ENO4: variants seen among roughly 807,000 people sequenced by gnomAD.
The protein encoded by ENO4 is enolase 4, also known as 2-phospho-D-glycerate hydro-lyase.
ENO4 carries 53 observed loss-of-function variants against 63.2 expected under a neutral mutation model. That is an observed-to-expected ratio of 0.84 (90% CI 0.67 to 1.05). The LOEUF (loss-of-function observed/expected upper bound fraction) is 1.05. ENO4 is among the 50% of genes least tolerant of loss of function. ENO4 has a pLI of 0.00. For missense variants in ENO4, 719 were observed against 772.0 expected (o/e 0.93, Z 0.81); for synonymous variants, 266 against 283.8 (o/e 0.94, Z 0.63).
intron 10 of ENO4, among the ~76,000 whole-genome samples, chr10:116,905,535 T>C (rs374773070): frequency 7.2e-5 from 11 of 152,232 alleles, no homozygotes; most frequent in African/African-American, 2.6e-4. Context: ...ATAATAAAAG[T>C]TTGGTTGGTA....
chr10:116,899,630 T>C lies in ENO4; in HGVS notation c.1195-11869T>C, dbSNP rs550515705. ...CATTGGCATCCTCCCTTGACCTTGA[T>C]TCAGGTCAAGAGCCAATAGCGCCAC... On this transcript the variant is annotated intron_variant, in intron 10 of 10. Transcript: ENST00000369207. 5.2e-4 allele frequency among the ~76,000 whole-genome samples: 79 copies of C among 152,136 alleles called. 1 individual carries two copies. In the East Asian group the frequency reaches 0.011, roughly 22 times the overall value.
intron 10 of ENO4, among the ~76,000 whole-genome samples, chr10:116,893,576 G>GCACACACACACACACACACACACA (rs6144113): frequency 0.26 from 31,940 of 123,270 alleles, 4,965 homozygotes; most frequent in Admixed American, 0.3. Context: ...GCACTCATGT[G>GCACACACACACACACACACACACA]CACACACACA....
intron 11 of ENO4, among the ~76,000 whole-genome samples, chr10:116,877,551 G>A (rs998965119): frequency 3.3e-5 from 5 of 152,030 alleles, no homozygotes; most frequent in South Asian, 2.1e-4. Context: ...CTGAGGCAAG[G>A]GTAGGTTCAC....
intron 10 of ENO4, chr10:116,900,953 T>C (rs1847710433): frequency 2.0e-6 from 2 of 985,358 alleles, no homozygotes; most frequent in African/African-American, 1.7e-5. Flanking sequence ...ACTTCATTTG[T>C]CCAGGTTTCA....
At chr10:116,911,755 C>G (rs760705356) in exon 11 of ENO4, 7 of 1,585,164 alleles carry the variant, frequency 4.4e-6, no homozygotes, top group Non-Finnish European at 6.1e-6. Flanking sequence ...TTCATTTCCC[C>G]ATTAGCTAAA....
At chr10:116,880,283 A>G (rs1287451968) in intron 13 of ENO4, among the ~76,000 whole-genome samples, 1 of 152,224 alleles carries the variant, frequency 6.6e-6, no homozygotes, top group Non-Finnish European at 1.5e-5. Flanking sequence ...GGTCCAAATT[A>G]TACTTAAGGT....
chr10:116,885,380 T>G (rs1847135147), downstream of ENO4: 1 of 152,628 alleles, frequency 6.6e-6, no homozygotes, highest in Non-Finnish European at 1.5e-5. Context: ...CCTGATTACA[T>G]TTCTATTTAT....
chr10:116,873,933 A>T, intron 9 of ENO4, 143 bp from the exon 10 acceptor site: 1 of 1,336,660 alleles, frequency 7.5e-7, no homozygotes, highest in Non-Finnish European at 9.7e-7. Flanking sequence ...GAATGGACAG[A>T]TTTCTCAGGT....
intron 10 of ENO4, chr10:116,901,060 T>C: frequency 1.0e-6 from 1 of 985,428 alleles, no homozygotes; most frequent in Non-Finnish European, 1.2e-6. Flanking sequence ...ATTACAATAT[T>C]CGGCTGATCT....
intron 10 of ENO4, among the ~76,000 whole-genome samples, chr10:116,896,801 CTTTT>C (rs1230730641): frequency 8.2e-6 from 1 of 121,712 alleles, no homozygotes; most frequent in Non-Finnish European, 1.7e-5. Flanking sequence ...TGATCAGGTA[CTTTT>C]TTTTTTTTTT....
chr10:116,907,725 G>A (rs1564870351), intron 10 of ENO4, among the ~76,000 whole-genome samples: 1 of 152,178 alleles, frequency 6.6e-6, no homozygotes, highest in Non-Finnish European at 1.5e-5. Context: ...GGAGGGAGGG[G>A]AAGGCAGGAG....
At chr10:116,884,968 G>A (rs2133291868), downstream of ENO4, 1 of 152,390 alleles carries the variant, frequency 6.6e-6, no homozygotes, top group Middle Eastern at 3.4e-3. Flanking sequence ...AATTCTCCAT[G>A]AGTAAAGTGA....
intron 10 of ENO4, among the ~76,000 whole-genome samples, chr10:116,905,036 C>T (rs1847907439): frequency 6.6e-6 from 1 of 151,520 alleles, no homozygotes; most frequent in South Asian, 2.1e-4. Flanking sequence ...CCCGTCTCTA[C>T]TAAAAATACA....
chr10:116,859,086 A>G lies in ENO4; in HGVS notation c.582A>G (p.Val194=). 1.3e-6 allele frequency: 2 copies of G among 1,508,202 alleles called. No individual in the cohort carries two copies. Among genetic ancestry groups the G allele is most frequent in the Admixed American group, 4.0e-5 (2 of 49,944 alleles). 93.4% of individuals were successfully genotyped at this position (1,508,202 alleles called of 1,614,324 possible). ...CAGTGCCTACACCTCTACCTCCAGTACCACCACCACCACCCCCTCCACCTC... is the reference window on the plus strand; with the variant it reads ...CAGTGCCTACACCTCTACCTCCAGTGCCACCACCACCACCCCCTCCACCTC... ...YSTVPTPLPP[V]PPPPPPPPPT... is the part of the protein sequence containing the mutation. The change falls in exon 4 of 14, where the codon GTA becomes GTG. Residue 194 remains valine, a synonymous_variant. Coordinates refer to ENST00000341276, the MANE Select transcript of ENO4 (RefSeq NM_001242699.2).
chr10:116,886,181 CTTATG>C (rs1288912254), downstream of ENO4: 3 of 997,558 alleles, frequency 3.0e-6, no homozygotes, highest in Non-Finnish European at 4.3e-6. Context: ...AAACAGCTTA[CTTATG>C]TTTATAGTTG....
At chr10:116,851,838 C>T (rs867920851) in intron 1 of ENO4, among the ~76,000 whole-genome samples, 1 of 152,084 alleles carries the variant, frequency 6.6e-6, no homozygotes, top group African/African-American at 2.4e-5. Context: ...TTGTCCCATT[C>T]TCTCTCCCTG....
Position 116,861,150 on chromosome 10 carries a change from A to G in ENO4, c.896A>G (p.Glu299Gly). The change falls in exon 6 of 14, where the codon GAA becomes GGA. Residue 299 changes from glutamate (E) to glycine (G), a missense_variant. By Grantham distance (98) the Glu-to-Gly change is moderately conservative. Transcript: ENST00000341276. ...TCTGGGAAGCTAAATTTAATGAAAGAAGTGATTTGTATACCCCATCCTGAA... is the reference window on the plus strand; with the variant it reads ...TCTGGGAAGCTAAATTTAATGAAAGGAGTGATTTGTATACCCCATCCTGAA... ...SSSGKLNLMKEVICIPHPELT... is the reference protein window; with the variant it reads ...SSSGKLNLMKGVICIPHPELT... 6.5e-7 allele frequency: 1 copy of G among 1,546,080 alleles called. No homozygotes were observed. The highest frequency in any genetic ancestry group is 8.7e-7 in the Non-Finnish European group (1 of 1,143,682).
chr10:116,850,172 T>C, intron 1 of ENO4: 1 of 247,926 alleles, frequency 4.0e-6, no homozygotes, highest in South Asian at 4.1e-5. Flanking sequence ...TTGCTACAAC[T>C]TGGCTTCAGC....
In ENO4 at chr10:116,856,464, G is replaced by C. The variant is rs140471319; in HGVS notation, c.295-28G>C. ...CCTCTTTCTGGGAGAGGTAGGGAAA[G>C]TGTTGAACACATTTATATGATTTTC... On this transcript the variant is annotated intron_variant, in intron 2 of 13. Coordinates refer to ENST00000341276, the MANE Select transcript of ENO4 (RefSeq NM_001242699.2). 7 of 1,523,802 alleles carry C rather than the reference G, an allele frequency of 4.6e-6. No individual in the cohort carries two copies. The African/African-American group carries it at 5.5e-5, about 12-fold the overall frequency. 94.4% of individuals were successfully genotyped at this position (1,523,802 alleles called of 1,614,324 possible).
Sources: allele counts gnomAD v4.1 joint callset (sites outside exome capture counted in the v4.1 genomes callset), GRCh38; gene constraint gnomAD v4.1.1; transcripts MANE v1.5; gene names NCBI Gene and HGNC (gene_info 2026-07-23, HGNC 2026-07-21).